Variants in KRT79 observed in about 807,000 individuals in gnomAD.
The protein encoded by KRT79 is keratin, type II cytoskeletal 79.
A neutral mutation model predicts 49.0 loss-of-function variants in KRT79; 51 were observed. The ratio of observed to expected loss-of-function variants is 1.04; its 90% CI spans 0.83 to 1.31. KRT79 has a LOEUF of 1.31. Among genes scored for constraint, KRT79 ranks in the 40% most tolerant of loss-of-function variants. The probability of loss-of-function intolerance (pLI) is 0.00; values close to 1 mark genes in which losing one functional copy is unlikely to be tolerated. For synonymous variants in KRT79, 312 were observed against 286.6 expected (o/e 1.09, Z -0.90); for missense variants, 728 against 688.0 (o/e 1.06, Z -0.65).
At position 52,830,266 on chromosome 12, in the gene KRT79, G is replaced by A. The variant is rs142714624; in HGVS notation, c.725C>T (p.Thr242Ile). The A allele has an allele frequency of 8.8e-5, 142 of 1,614,112 alleles. No individual in the cohort carries two copies. Among genetic ancestry groups the A allele is most frequent in the Middle Eastern group, 1.6e-4 (1 of 6,084 alleles). ...CACCACAAACTCGTTCTCTGCAGCA[G>A]TGTGCTTGTTGATTTCATCCTCGTA... ...NKYEDEINKH[T>I]AAENEFVVLK... Residue 242 changes from threonine (T) to isoleucine (I), a missense_variant, in exon 3 of 9, where the codon ACT becomes ATT. Coordinates refer to ENST00000330553, the MANE Select transcript of KRT79 (RefSeq NM_175834.3).
chr12:52,830,539 G>T (rs1282374970), intron 2 of KRT79: 2 of 516,808 alleles, frequency 3.9e-6, no homozygotes, highest in African/African-American at 3.8e-5. Flanking sequence ...ATCAAGAGCT[G>T]CCATCTCTTT....
chr12:52,830,960 C>T (rs1018122462), intron 2 of KRT79, among the ~76,000 whole-genome samples: 1 of 151,968 alleles, frequency 6.6e-6, no homozygotes, highest in African/African-American at 2.4e-5. Flanking sequence ...GAACTACATT[C>T]ACATGCAGAT....
chr12:52,831,629 G>A lies in KRT79; in HGVS notation c.478-3C>T, dbSNP rs548464401. 2.0e-4 allele frequency: 327 copies of A among 1,613,036 alleles called. 2 individuals carry two copies. The South Asian group carries it at 3.2e-3, about 16-fold the overall frequency. On this transcript the variant is annotated splice_polypyrimidine_tract_variant and splice_region_variant and intron_variant, in intron 1 of 8. Transcript: ENST00000330553. ...TTCTGTTGCTCCAGGAACCGCACCT[G>A]AGCCAGAGCAGAAAGGGTGGGCTGA...
chr12:52,831,303 C>T lies in KRT79; in HGVS notation c.698+103G>A. Reference sequence around the variant, plus strand: ...AGGGAGCCAGCTCTGTCTGTGCATCCCCCAGGTGGGCCTGGGACCCTGGGA... The same window carrying T: ...AGGGAGCCAGCTCTGTCTGTGCATCTCCCAGGTGGGCCTGGGACCCTGGGA... On this transcript the variant is annotated intron_variant, in intron 2 of 8. Coordinates refer to ENST00000330553, the MANE Select transcript of KRT79 (RefSeq NM_175834.3). 5 of 1,055,498 alleles carry T rather than the reference C, an allele frequency of 4.7e-6. No homozygotes were observed. The South Asian group carries it at 5.5e-5, about 12-fold the overall frequency. The allele number at this position is 1,055,498 out of a possible 1,614,324, so 65.4% of individuals were successfully genotyped here. A position where few individuals can be genotyped will look rare whatever the true frequency, so the allele number is the denominator to read the frequency against.
chr12:52,822,247 A>C, intron 8 of KRT79, 98 bp downstream of exon 8: 1 of 1,369,138 alleles, frequency 7.3e-7, no homozygotes, highest in Non-Finnish European at 1.0e-6. Flanking sequence ...GCTCGAATGG[A>C]GGAGAGCATG....
chr12:52,824,210 C>G lies in KRT79; in HGVS notation c.1008G>C (p.Trp336Cys), dbSNP rs1206450369. 1.9e-6 allele frequency: 3 copies of G among 1,614,218 alleles called. No individual in the cohort carries two copies. The highest frequency in any genetic ancestry group is 2.2e-5 in the South Asian group (2 of 91,076). Reference sequence around the variant, plus strand: ...CTATGCCTCTCACCTTGGTCTGGTACCAGGCCTCGGCCTCAGCCCGGCTCC... The same window carrying G: ...CTATGCCTCTCACCTTGGTCTGGTAGCAGGCCTCGGCCTCAGCCCGGCTCC... ...AQRSRAEAEA[W>C]YQTKYEELQV... Residue 336 changes from tryptophan (W) to cysteine (C), a missense_variant, in exon 5 of 9, where the codon TGG (tryptophan) becomes TGC (cysteine). Trp to Cys is a radical substitution (Grantham distance 215). Transcript: ENST00000330553.
chr12:52,830,288 C>A lies in KRT79; in HGVS notation c.703G>T (p.Glu235Ter). The change falls in exon 3 of 9, where the codon GAG becomes TAG. Residue 235 changes from glutamate to a stop codon, truncating the protein, a stop_gained. Transcript: ENST00000330553. LOFTEE classifies it high-confidence loss of function. ...GCAGTGTGCTTGTTGATTTCATCCTCGTACCTGTTACACATGGGAGACTCA... is the reference window on the plus strand; with the variant it reads ...GCAGTGTGCTTGTTGATTTCATCCTAGTACCTGTTACACATGGGAGACTCA... ...DLVEDFKNKY[E>*]DEINKHTAAE... 6.2e-7 allele frequency: 1 copy of A among 1,614,202 alleles called. No individual in the cohort carries two copies. Among genetic ancestry groups the A allele is most frequent in the East Asian group, 2.2e-5 (1 of 44,882 alleles).
Position 52,824,023 on chromosome 12 carries a change from A to G in KRT79, c.1021-11T>C, listed in dbSNP as rs1175964796. 1.2e-6 allele frequency: 2 copies of G among 1,613,898 alleles called. No individual in the cohort carries two copies. The highest frequency in any genetic ancestry group is 1.7e-6 in the Non-Finnish European group (2 of 1,180,010). On this transcript the variant is annotated splice_polypyrimidine_tract_variant and intron_variant, in intron 5 of 8. Transcript: ENST00000330553. ...CTGCAGCTCCTCATACTGGGGACCA[A>G]AGAAGTGGCAGTGCGCTTTCAAATG...
At position 52,823,987 on chromosome 12, in the gene KRT79, C is replaced by G. The variant is rs765600160; in HGVS notation, c.1046G>C (p.Gly349Ala). 1 of 1,614,044 alleles carries G rather than the reference C, an allele frequency of 6.2e-7. No individual in the cohort carries two copies. Among genetic ancestry groups the G allele is most frequent in the African/African-American group, 1.3e-5 (1 of 74,926 alleles). The part of the protein sequence containing the change: ...TKYEELQVTA[G>A]KHGDNLRDTK... ...GTCCCGCAGGTTGTCCCCATGCTTCCCAGCAGTCACCTGCAGCTCCTCATA... is the reference window on the plus strand; with the variant it reads ...GTCCCGCAGGTTGTCCCCATGCTTCGCAGCAGTCACCTGCAGCTCCTCATA... Residue 349 changes from glycine (G) to alanine (A), a missense_variant, in exon 6 of 9, where the codon GGG becomes GCG. Coordinates refer to ENST00000330553, the MANE Select transcript of KRT79 (RefSeq NM_175834.3).
Position 52,822,000 on chromosome 12 carries a change from C to T in KRT79, c.1480G>A (p.Gly494Arg), listed in dbSNP as rs753519242. 12 of 1,614,094 alleles carry T rather than the reference C, an allele frequency of 7.4e-6. No individual in the cohort carries two copies. The highest frequency in any genetic ancestry group is 1.1e-5 in the South Asian group (1 of 91,096). Residue 494 changes from glycine (G) to arginine (R), a missense_variant, in exon 9 of 9, where the codon GGG becomes AGG. By Grantham distance (125) the Gly-to-Arg change is moderately radical. Transcript: ENST00000330553. ...FGGGISLGGS[G>R]GATKGGFSTN... ...CTGAATCCACCCTTGGTGGCCCCCC[C>T]ACTCCCACCCAGGGAGATGCCACCT...
At position 52,823,983 on chromosome 12, in the gene KRT79, C is replaced by T. The variant is rs539087777; in HGVS notation, c.1050G>A (p.Lys350=). The change falls in exon 6 of 9, where the codon AAG becomes AAA. Residue 350 remains lysine, a synonymous_variant. Coordinates refer to ENST00000330553, the MANE Select transcript of KRT79 (RefSeq NM_175834.3). ...KYEELQVTAG[K]HGDNLRDTKN... is the part of the protein sequence containing the mutation. ...TGGTGTCCCGCAGGTTGTCCCCATGCTTCCCAGCAGTCACCTGCAGCTCCT... is the reference window on the plus strand; with the variant it reads ...TGGTGTCCCGCAGGTTGTCCCCATGTTTCCCAGCAGTCACCTGCAGCTCCT... 14 of 1,614,210 alleles carry T rather than the reference C, an allele frequency of 8.7e-6. No homozygotes were observed. The South Asian group carries it at 1.1e-4, about 13-fold the overall frequency.
Position 52,821,981 on chromosome 12 carries a change from C to A in KRT79, c.1499G>T (p.Gly500Val). Reference protein sequence around the residue: ...LGGSGGATKGGFSTNVGYSTV... With the variant: ...LGGSGGATKGVFSTNVGYSTV... ...GCTATAGCCCACATTTGTGCTGAAT[C>A]CACCCTTGGTGGCCCCCCCACTCCC... The change falls in exon 9 of 9, where the codon GGA (glycine) becomes GTA (valine). Residue 500 changes from glycine (G) to valine (V), a missense_variant. Coordinates refer to ENST00000330553, the MANE Select transcript of KRT79 (RefSeq NM_175834.3). 1 of 1,614,222 alleles carries A rather than the reference C, an allele frequency of 6.2e-7. No individual in the cohort carries two copies. The highest frequency in any genetic ancestry group is 8.5e-7 in the Non-Finnish European group (1 of 1,180,026).
chr12:52,830,344 G>T lies in KRT79; in HGVS notation c.699-52C>A, dbSNP rs1034598825. The T allele has an allele frequency of 8.4e-6, 13 of 1,538,984 alleles. 1 individual carries two copies. The highest frequency in any genetic ancestry group is 1.7e-4 in the Middle Eastern group (1 of 5,936). On this transcript the variant is annotated intron_variant, in intron 2 of 8. Coordinates refer to ENST00000330553, the MANE Select transcript of KRT79 (RefSeq NM_175834.3). ...GGCTCAGCCTGGCTCTGCCTTTCAG[G>T]CATGGGACCCACTCAGCCTTACAGA...
chr12:52,825,060 G>A (rs1189776331), intron 4 of KRT79, among the ~76,000 whole-genome samples: 2 of 152,232 alleles, frequency 1.3e-5, no homozygotes, highest in African/African-American at 4.8e-5. Flanking sequence ...TGAATGGCGG[G>A]TTAGGTGATG....
chr12:52,834,112 C>T lies in KRT79; in HGVS notation c.149G>A (p.Cys50Tyr), dbSNP rs1249748632. ...RSSGSGGGAH[C>Y]GPGTGGFGSR... ...GCCAAAGCCACCTGTGCCGGGGCCA[C>T]AGTGGGCCCCGCCACCACTGCCACT... is the stretch of plus-strand genomic sequence containing the variant. The change falls in exon 1 of 9, where the codon TGT (cysteine) becomes TAT (tyrosine). Residue 50 changes from cysteine (C) to tyrosine (Y), a missense_variant. Cys to Tyr is a radical substitution (Grantham distance 194). Transcript: ENST00000330553. 1.9e-6 allele frequency: 3 copies of T among 1,613,082 alleles called. No homozygotes were observed. The highest frequency in any genetic ancestry group is 2.5e-6 in the Non-Finnish European group (3 of 1,179,842).
At chr12:52,827,822 A>G (rs1351662969) in intron 4 of KRT79, among the ~76,000 whole-genome samples, 2 of 152,210 alleles carry the variant, frequency 1.3e-5, no homozygotes, top group Non-Finnish European at 1.5e-5. Flanking sequence ...GGAAAGCACA[A>G]GAAATATGCT....
Position 52,823,977 on chromosome 12 carries a change from C to T in KRT79, c.1056G>A (p.Gly352=), listed in dbSNP as rs1273973223. 1.2e-6 allele frequency: 2 copies of T among 1,614,126 alleles called. No individual in the cohort carries two copies. Among genetic ancestry groups the T allele is most frequent in the Non-Finnish European group, 1.7e-6 (2 of 1,180,022 alleles). The part of the protein sequence containing the change: ...EELQVTAGKH[G]DNLRDTKNEI... ...CGTTCTTGGTGTCCCGCAGGTTGTC[C>T]CCATGCTTCCCAGCAGTCACCTGCA... The change falls in exon 6 of 9, where the codon GGG becomes GGA. Residue 352 remains glycine, a synonymous_variant. Transcript: ENST00000330553.
intron 4 of KRT79, 40 bp downstream of exon 4, chr12:52,829,983 A>T (rs1246270314): frequency 6.5e-7 from 1 of 1,544,334 alleles, no homozygotes; most frequent in Admixed American, 1.7e-5. Flanking sequence ...AGTGCTGTTT[A>T]TAGTGTATGC....
At chr12:52,826,801 A>G (rs900132905) in intron 4 of KRT79, among the ~76,000 whole-genome samples, 2 of 152,026 alleles carry the variant, frequency 1.3e-5, no homozygotes, top group African/African-American at 2.4e-5. Context: ...CATCCCCCAG[A>G]TTGCCGTGGG....
Sources: gnomAD v4.1 joint callset for allele counts (sites outside exome capture counted in the v4.1 genomes callset) on GRCh38, gnomAD v4.1.1 for gene constraint, MANE v1.5 for transcripts, NCBI Gene and HGNC (gene_info 2026-07-23, HGNC 2026-07-21) for gene names.